Variants in DYRK1A observed in about 807,000 individuals in gnomAD.
The protein encoded by DYRK1A is dual specificity tyrosine-phosphorylation-regulated kinase 1A.
Under a neutral mutation model 79.7 loss-of-function variants are expected in DYRK1A, and 9 were observed. The observed-to-expected ratio is 0.11, with a 90% confidence interval of 0.07 to 0.20. The LOEUF (loss-of-function observed/expected upper bound fraction) is 0.20, where lower values mean the gene tolerates loss of function less well. DYRK1A is among the 10% of genes least tolerant of loss of function. DYRK1A has a pLI of 1.00. For synonymous variants in DYRK1A, 349 were observed against 329.7 expected, an observed-to-expected ratio of 1.06 and a Z score of -0.63; for missense variants, 622 against 956.0, an observed-to-expected ratio of 0.65 and a Z score of 4.61.
chr21:37,485,362 A>G (rs1165489312), intron 5 of DYRK1A, among the ~76,000 whole-genome samples: 2 of 152,226 alleles, frequency 1.3e-5, no homozygotes, highest in Non-Finnish European at 2.9e-5. Flanking sequence ...CCTCTGTTAT[A>G]AAAGACCACA....
intron 2 of DYRK1A, among the ~76,000 whole-genome samples, chr21:37,447,565 A>C (rs923394410): frequency 1.3e-5 from 2 of 152,106 alleles, no homozygotes; most frequent in Non-Finnish European, 2.9e-5. Context: ...ATTAATTGCA[A>C]CAGAAGCTTC....
chr21:37,478,663 G>C (rs912079668), intron 4 of DYRK1A, among the ~76,000 whole-genome samples: 1 of 152,020 alleles, frequency 6.6e-6, no homozygotes, highest in African/African-American at 2.4e-5. Context: ...ATTTTTGCTA[G>C]AATTTTTATA....
At chr21:37,508,983 C>G (rs534604286) in intron 11 of DYRK1A, among the ~76,000 whole-genome samples, 2 of 152,188 alleles carry the variant, frequency 1.3e-5, no homozygotes, top group East Asian at 3.9e-4. Context: ...CATAAGACAC[C>G]GCGTTCTTCC....
intron 9 of DYRK1A, among the ~76,000 whole-genome samples, chr21:37,497,720 G>A (rs535295399): frequency 8.5e-5 from 13 of 152,052 alleles, no homozygotes; most frequent in South Asian, 6.2e-4. Context: ...AAACCACAGT[G>A]ACCTATCATT....
chr21:37,487,615 G>C (rs1017032123), intron 6 of DYRK1A: 3 of 152,116 alleles, frequency 2.0e-5, no homozygotes, highest in African/African-American at 4.8e-5. Flanking sequence ...GTAAGGCTGA[G>C]TTTTATTTAA....
intron 1 of DYRK1A, among the ~76,000 whole-genome samples, chr21:37,370,963 G>C (rs1479090066): frequency 6.6e-6 from 1 of 152,102 alleles, no homozygotes; most frequent in East Asian, 1.9e-4. Context: ...TTTACCAGAT[G>C]TTATCTTGAC....
intron 2 of DYRK1A, among the ~76,000 whole-genome samples, chr21:37,447,358 A>G (rs559152096): frequency 2.0e-5 from 3 of 152,196 alleles, no homozygotes; most frequent in Non-Finnish European, 4.4e-5. Flanking sequence ...ATATATATAC[A>G]CATTTTTATA....
intron 2 of DYRK1A, among the ~76,000 whole-genome samples, chr21:37,442,178 G>A (rs923460002): frequency 3.3e-5 from 5 of 151,728 alleles, no homozygotes; most frequent in South Asian, 2.1e-4. Context: ...TGATAATTAC[G>A]TACCTTAGTT....
At chr21:37,404,987 G>A (rs1424457574) in intron 1 of DYRK1A, among the ~76,000 whole-genome samples, 1 of 152,198 alleles carries the variant, frequency 6.6e-6, no homozygotes, top group Non-Finnish European at 1.5e-5. Flanking sequence ...CCAGAATACA[G>A]TTTTGCTCTT....
At chr21:37,380,631 C>T (rs1349586568) in intron 1 of DYRK1A, among the ~76,000 whole-genome samples, 1 of 151,654 alleles carries the variant, frequency 6.6e-6, no homozygotes, top group Non-Finnish European at 1.5e-5. Context: ...GGATGTGGGC[C>T]TATAGGGAAG....
rs1276618125 is a variant in DYRK1A at position 37,403,643 on chromosome 21, A to AT, written c.-76-16656_-76-16655insT. On this transcript the variant is annotated intron_variant, in intron 1 of 11. Transcript: ENST00000647188. ...ACTATGCTCAGCTAATTAAAAAAAAAAAAAAATATATATATATATATGTGT... is the reference window on the plus strand; with the variant it reads ...ACTATGCTCAGCTAATTAAAAAAAAATAAAAAATATATATATATATATGTGT... 1.3e-3 allele frequency among the ~76,000 whole-genome samples: 126 copies of AT among 100,154 alleles called. 1 individual carries two copies. The highest frequency in any genetic ancestry group is 9.6e-4 in the Non-Finnish European group (47 of 48,784). The allele number at this position is 100,154 out of a possible 152,430, so 65.7% of individuals were successfully genotyped here.
intron 7 of DYRK1A, 113 bp downstream of exon 7, chr21:37,490,574 C>T: frequency 1.9e-6 from 1 of 532,912 alleles, no homozygotes; most frequent in South Asian, 8.4e-5. Context: ...ATTGCAGTTG[C>T]TGTTTTTGCA....
intron 1 of DYRK1A, among the ~76,000 whole-genome samples, chr21:37,403,694 TGTGTG>T (rs2050100201): frequency 1.4e-5 from 2 of 140,620 alleles, no homozygotes; most frequent in African/African-American, 5.4e-5. Context: ...TGTGTGTGTG[TGTGTG>T]TTCACCAGGC....
chr21:37,498,695 TAA>T (rs2053349903), intron 9 of DYRK1A, among the ~76,000 whole-genome samples: 1 of 152,190 alleles, frequency 6.6e-6, no homozygotes, highest in Non-Finnish European at 1.5e-5. Flanking sequence ...CAGCACAGTC[TAA>T]GAGTAGAATT....
chr21:37,412,583 A>T (rs2050264522), intron 1 of DYRK1A, among the ~76,000 whole-genome samples: 1 of 152,178 alleles, frequency 6.6e-6, no homozygotes. Flanking sequence ...TAATTCTAGG[A>T]AGCATTTGTA....
intron 1 of DYRK1A, among the ~76,000 whole-genome samples, chr21:37,414,347 C>T (rs2050297623): frequency 6.6e-6 from 1 of 152,078 alleles, no homozygotes; most frequent in South Asian, 2.1e-4. Context: ...TATCTCTCTA[C>T]CATTAGTCGT....
intron 2 of DYRK1A, among the ~76,000 whole-genome samples, chr21:37,441,180 A>G (rs2051091538): frequency 6.6e-6 from 1 of 152,136 alleles, no homozygotes; most frequent in Non-Finnish European, 1.5e-5. Context: ...AGACTGCAGC[A>G]TACTTTCTTT....
intron 5 of DYRK1A, 31 bp from the exon 6 acceptor site, chr21:37,486,436 G>T: frequency 1.4e-6 from 2 of 1,404,504 alleles, no homozygotes; most frequent in South Asian, 1.8e-5. Context: ...TGCAATTAAT[G>T]AAATAGAGAA....
At chr21:37,380,303 A>G (rs561778411) in intron 1 of DYRK1A, among the ~76,000 whole-genome samples, 4 of 152,168 alleles carry the variant, frequency 2.6e-5, no homozygotes, top group Non-Finnish European at 5.9e-5. Context: ...ATTGAGAGAC[A>G]TTGCTTCTGT....
Sources: allele counts gnomAD v4.1 joint callset (sites outside exome capture counted in the v4.1 genomes callset), GRCh38; gene constraint gnomAD v4.1.1; transcripts MANE v1.5; gene names NCBI Gene and HGNC (gene_info 2026-07-23, HGNC 2026-07-21).